RGS7: variants seen among roughly 807,000 people sequenced by gnomAD.
RGS7 encodes the protein regulator of G protein signaling 7, also known as regulator of G-protein signaling 7.
RGS7 carries 27 observed loss-of-function variants against 81.1 expected under a neutral mutation model. The observed-to-expected ratio is 0.33, with a 90% CI of 0.25 to 0.46. RGS7 has a LOEUF of 0.46. Among genes scored for constraint, RGS7 ranks in the 20% least tolerant of loss-of-function variants. RGS7 has a pLI of 1.00. For synonymous variants in RGS7, 208 were observed against 207.7 expected (o/e 1.00, Z -0.01); for missense variants, 396 against 607.4 (o/e 0.65, Z 3.66).
chr1:241,151,289 C>T (rs1163398717), intron 2 of RGS7, among the ~76,000 whole-genome samples: 4 of 152,256 alleles, frequency 2.6e-5, no homozygotes, highest in African/African-American at 4.8e-5. Context: ...GTAGCGGATA[C>T]GCAGTTCTGA....
intron 18 of RGS7, among the ~76,000 whole-genome samples, chr1:240,781,184 A>G (rs1256304791): frequency 6.6e-6 from 1 of 152,234 alleles, no homozygotes; most frequent in East Asian, 1.9e-4. Context: ...TGTCCCAGGA[A>G]ATAATTAAAA....
chr1:241,056,132 C>A (rs1353812651), intron 3 of RGS7, among the ~76,000 whole-genome samples: 3 of 152,174 alleles, frequency 2.0e-5, no homozygotes, highest in Non-Finnish European at 4.4e-5. Flanking sequence ...GCTACAACCT[C>A]ACTAACATTC....
At chr1:241,044,034 A>G (rs1017846669) in intron 3 of RGS7, among the ~76,000 whole-genome samples, 3 of 152,024 alleles carry the variant, frequency 2.0e-5, no homozygotes, top group Non-Finnish European at 4.4e-5. Flanking sequence ...GCTTTGTGAT[A>G]CACATGCTTA....
Position 241,113,617 on chromosome 1 carries a change from G to C in RGS7, c.79-14855C>G, listed in dbSNP as rs144201062. On this transcript the variant is annotated intron_variant, in intron 2 of 18. Transcript: ENST00000440928. ...GGATAAACAACTTTGATAACCTCTG[G>C]TGTAAAGAACGTGGCCTTTGTTGCT... is the stretch of plus-strand genomic sequence containing the variant. Among the ~76,000 whole-genome samples the C allele has an allele frequency of 1.8e-3, 273 of 152,274 alleles. 1 individual carries two copies. The highest frequency in any genetic ancestry group is 5.9e-3 in the African/African-American group (247 of 41,546).
At chr1:241,298,394 T>A (rs1163662679) in intron 2 of RGS7, among the ~76,000 whole-genome samples, 1 of 152,204 alleles carries the variant, frequency 6.6e-6, no homozygotes, top group African/African-American at 2.4e-5. Flanking sequence ...TCTGAAAGAT[T>A]GAAATAAAGT....
chr1:240,926,863 C>G (rs1207887193), intron 6 of RGS7, among the ~76,000 whole-genome samples: 9 of 152,094 alleles, frequency 5.9e-5, no homozygotes, highest in Non-Finnish European at 1.2e-4. Flanking sequence ...CCTTTTAGTC[C>G]GTATTGGCTT....
At chr1:241,315,107 CTTTTTTTTTTTTTT>C (rs5782184) in intron 2 of RGS7, among the ~76,000 whole-genome samples, 2 of 57,442 alleles carry the variant, frequency 3.5e-5, no homozygotes, top group African/African-American at 1.5e-4. Context: ...TCTTCTTCTT[CTTTTTTTTTTTTTT>C]TTTTTTTTTT....
rs574047844 is a variant in RGS7 at position 241,087,944 on chromosome 1, ATCTCTC to A, written c.175+10716_175+10721del. On this transcript the variant is annotated intron_variant, in intron 3 of 18. Coordinates refer to ENST00000440928, the MANE Select transcript of RGS7 (RefSeq NM_001364886.1). ...AGCCTGAGCCACAGAGCAAGACTCC[ATCTCTC>A]TCTCTCTCTCTCTCTCTCTCTCTCT... 1.6e-3 allele frequency among the ~76,000 whole-genome samples: 186 copies of A among 116,044 alleles called. 1 individual carries two copies. Among genetic ancestry groups the A allele is most frequent in the East Asian group, 3.7e-3 (16 of 4,366 alleles). 76.1% of individuals were successfully genotyped at this position (116,044 alleles called of 152,430 possible).
At chr1:241,209,216 C>T (rs999581373) in intron 2 of RGS7, among the ~76,000 whole-genome samples, 2 of 152,150 alleles carry the variant, frequency 1.3e-5, no homozygotes, top group African/African-American at 4.8e-5. Flanking sequence ...GCTTTGATGG[C>T]CTGGGGCACA....
chr1:241,262,891 G>C (rs1037759086), intron 2 of RGS7, among the ~76,000 whole-genome samples: 5 of 152,106 alleles, frequency 3.3e-5, no homozygotes, highest in African/African-American at 1.2e-4. Flanking sequence ...ACGAGGTCAG[G>C]AGTTCGAGAG....
chr1:241,289,133 C>T (rs1168925311), intron 2 of RGS7, among the ~76,000 whole-genome samples: 1 of 152,208 alleles, frequency 6.6e-6, no homozygotes, highest in Non-Finnish European at 1.5e-5. Flanking sequence ...GAGCAGCCCC[C>T]ATACCTGGGA....
intron 2 of RGS7, among the ~76,000 whole-genome samples, chr1:241,257,693 C>G (rs551083677): frequency 4.6e-5 from 7 of 152,132 alleles, no homozygotes; most frequent in Admixed American, 2.0e-4. Context: ...CTTCTCTTTT[C>G]TCACCTCTCA....
At chr1:241,175,346 G>T (rs1232602560) in intron 2 of RGS7, among the ~76,000 whole-genome samples, 1 of 152,108 alleles carries the variant, frequency 6.6e-6, no homozygotes, top group African/African-American at 2.4e-5. Context: ...AGATGAGTTC[G>T]CTGCTACAGT....
intron 2 of RGS7, among the ~76,000 whole-genome samples, chr1:241,166,003 G>A (rs1423735180): frequency 6.6e-6 from 1 of 152,088 alleles, no homozygotes; most frequent in Non-Finnish European, 1.5e-5. Context: ...TGGGAACCAG[G>A]CTCAGCAATC....
chr1:241,332,577 C>T (rs372040959), intron 2 of RGS7, among the ~76,000 whole-genome samples: 4 of 152,150 alleles, frequency 2.6e-5, no homozygotes, highest in South Asian at 4.1e-4. Context: ...AGACAACTTC[C>T]GCGGCCCCTT....
intron 6 of RGS7, among the ~76,000 whole-genome samples, chr1:240,883,452 A>G (rs1005486562): frequency 2.0e-5 from 3 of 152,078 alleles, no homozygotes; most frequent in African/African-American, 7.2e-5. Context: ...TGTGACGGAT[A>G]CTCTCTTCTT....
chr1:240,872,766 T>C lies in RGS7; in HGVS notation c.386-2647A>G, dbSNP rs189332161. Among the ~76,000 whole-genome samples, 568 of 152,310 alleles carry C rather than the reference T, an allele frequency of 3.7e-3. 5 individuals are homozygous for C. The highest frequency in any genetic ancestry group is 0.013 in the African/African-American group (544 of 41,582). ...ATTCATTGAAGACTGACAAAATGAA[T>C]GCACTCATGCATAGTCAAAACTACA... is the stretch of plus-strand genomic sequence containing the variant. On this transcript the variant is annotated intron_variant, in intron 6 of 18. Coordinates refer to ENST00000440928, the MANE Select transcript of RGS7 (RefSeq NM_001364886.1).
chr1:241,350,830 C>G (rs1166107020), intron 2 of RGS7, among the ~76,000 whole-genome samples: 3 of 151,414 alleles, frequency 2.0e-5, no homozygotes, highest in East Asian at 3.9e-4. Flanking sequence ...CAGCGTTGAC[C>G]AGATGGGCAG....
chr1:241,048,766 G>C (rs1213533028), intron 3 of RGS7, among the ~76,000 whole-genome samples: 1 of 152,038 alleles, frequency 6.6e-6, no homozygotes, highest in Non-Finnish European at 1.5e-5. Context: ...AGCTTTCTAG[G>C]GTTGTCATGA....
Sources: allele counts gnomAD v4.1 joint callset (sites outside exome capture counted in the v4.1 genomes callset), GRCh38; gene constraint gnomAD v4.1.1; transcripts MANE v1.5; gene names NCBI Gene and HGNC (gene_info 2026-07-23, HGNC 2026-07-21).